The following PALLD variants were observed in gnomAD, a reference collection of about 807,000 sequenced individuals.
PALLD encodes the protein palladin, cytoskeletal associated protein, also known as palladin.
PALLD carries 61 observed loss-of-function variants against 123.5 expected under a neutral mutation model. The observed-to-expected ratio is 0.49, with a 90% CI of 0.40 to 0.61. The LOEUF is 0.61. Among genes scored for constraint, PALLD ranks in the 20% least tolerant of loss-of-function variants. The pLI, the probability that PALLD is intolerant of heterozygous loss-of-function variation, is 0.00. For missense variants in PALLD, 1,273 were observed against 1,377.0 expected, an observed-to-expected ratio of 0.92 and a Z score of 1.20; for synonymous variants, 465 against 496.4, an observed-to-expected ratio of 0.94 and a Z score of 0.84.
chr4:168,879,445 TC>T (rs1752315250), intron 10 of PALLD, among the ~76,000 whole-genome samples: 2 of 152,278 alleles, frequency 1.3e-5, no homozygotes, highest in African/African-American at 4.8e-5. Flanking sequence ...AAATCCTACT[TC>T]AGAGTTTGCC....
Position 168,903,864 on chromosome 4 carries a change from AGAT to A in PALLD, c.2588_2590del (p.Asp863del). The A allele has an allele frequency of 6.2e-7, 1 of 1,613,932 alleles. No homozygotes were observed. The highest frequency in any genetic ancestry group is 1.1e-5 in the South Asian group (1 of 91,078). On this transcript the variant is annotated inframe_deletion, in exon 15 of 22. Coordinates refer to ENST00000505667, the MANE Select transcript of PALLD (RefSeq NM_001166108.2). ...CCCTCCATACCACAGCCTCCACCCT[AGAT>A]GATGATGGGAATTATACAATTATGG...
rs1327824749 is a variant in PALLD at position 168,884,184 on chromosome 4, T to C, written c.1965-6738T>C. On this transcript the variant is annotated intron_variant, in intron 10 of 21. Coordinates refer to ENST00000505667, the MANE Select transcript of PALLD (RefSeq NM_001166108.2). ...CCTCCCCTTTCAAAATACTCCACTT[T>C]TATTTCTAACTCTCACCTTGCATGC... Among the ~76,000 whole-genome samples, 12 of 152,206 alleles carry C rather than the reference T, an allele frequency of 7.9e-5. No homozygotes were observed. The East Asian group carries it at 2.3e-3, about 29-fold the overall frequency.
At chr4:168,788,630 G>A (rs1456182520) in intron 10 of PALLD, among the ~76,000 whole-genome samples, 1 of 152,108 alleles carries the variant, frequency 6.6e-6, no homozygotes, top group Non-Finnish European at 1.5e-5. Flanking sequence ...GACTTTGGGT[G>A]ATAATCATGT....
chr4:168,541,602 C>T (rs562183209), intron 2 of PALLD, among the ~76,000 whole-genome samples: 2 of 152,154 alleles, frequency 1.3e-5, no homozygotes, highest in South Asian at 4.1e-4. Flanking sequence ...AGGCGCTCGC[C>T]ACCACACCTG....
chr4:168,851,461 G>A (rs529998922), intron 10 of PALLD, among the ~76,000 whole-genome samples: 71 of 152,166 alleles, frequency 4.7e-4, no homozygotes, highest in Middle Eastern at 3.4e-3. Context: ...TCTGCCTCCC[G>A]GGTTCAAGCA....
chr4:168,672,750 G>A (rs1230823371), intron 3 of PALLD, among the ~76,000 whole-genome samples: 3 of 152,122 alleles, frequency 2.0e-5, no homozygotes, highest in African/African-American at 7.2e-5. Flanking sequence ...GAGCCACCTC[G>A]CCCGGCCAAG....
intron 3 of PALLD, among the ~76,000 whole-genome samples, chr4:168,671,026 G>GAAA (rs10686554): frequency 8.1e-5 from 12 of 148,624 alleles, no homozygotes; most frequent in South Asian, 2.1e-4. Context: ...TCAAAAAAAA[G>GAAA]AAAAAAAAAA....
intron 10 of PALLD, among the ~76,000 whole-genome samples, chr4:168,801,413 G>T (rs1739303918): frequency 6.6e-6 from 1 of 152,050 alleles, no homozygotes; most frequent in Non-Finnish European, 1.5e-5. Context: ...TGAGTAGCTG[G>T]GATTATAGGC....
chr4:168,572,004 A>T (rs1411334748), intron 2 of PALLD, among the ~76,000 whole-genome samples: 1 of 152,130 alleles, frequency 6.6e-6, no homozygotes, highest in African/African-American at 2.4e-5. Context: ...AGGCGGATGA[A>T]TCTATTGTAG....
chr4:168,916,066 C>G, intron 17 of PALLD, 39 bp downstream of exon 17: 2 of 1,588,968 alleles, frequency 1.3e-6, no homozygotes, highest in Non-Finnish European at 8.6e-7. Context: ...TATTGCCCCA[C>G]TTCTCCCTCA....
rs1422910442 is a variant in PALLD, at chr4:168,898,602, C to G, written c.2360C>G (p.Pro787Arg). Reference sequence around the variant, plus strand: ...GATGAAGTTCAGTATGGAGATGTGCCTGTGGAAAATGGAATGGCACCATTC... The same window carrying G: ...GATGAAGTTCAGTATGGAGATGTGCGTGTGGAAAATGGAATGGCACCATTC... ...SGDEVQYGDV[P>R]VENGMAPFFE... Residue 787 changes from proline to arginine, a missense_variant, in exon 14 of 22, where the codon CCT becomes CGT. Physicochemically the swap from Pro to Arg is moderately radical, Grantham distance 103 (BLOSUM62 -2). Coordinates refer to ENST00000505667, the MANE Select transcript of PALLD (RefSeq NM_001166108.2). 1 of 1,613,584 alleles carries G rather than the reference C, an allele frequency of 6.2e-7. No individual in the cohort carries two copies. The highest frequency in any genetic ancestry group is 1.1e-5 in the South Asian group (1 of 91,076).
At chr4:168,588,411 AT>A (rs56144115) in intron 2 of PALLD, among the ~76,000 whole-genome samples, 11 of 149,416 alleles carry the variant, frequency 7.4e-5, no homozygotes, top group African/African-American at 2.7e-4. Flanking sequence ...GATACTTTTT[AT>A]TTTTTTTTTG....
intron 2 of PALLD, among the ~76,000 whole-genome samples, chr4:168,666,598 C>T (rs561028299): frequency 6.6e-6 from 1 of 152,126 alleles, no homozygotes; most frequent in Non-Finnish European, 1.5e-5. Context: ...TAAGTCCATG[C>T]AAATATTCGA....
chr4:168,729,597 A>G (rs1786950686), intron 10 of PALLD, among the ~76,000 whole-genome samples: 1 of 152,154 alleles, frequency 6.6e-6, no homozygotes, highest in South Asian at 2.1e-4. Context: ...CCCTAGGATC[A>G]ATGCACAGTT....
chr4:168,800,041 A>T (rs956430751), intron 10 of PALLD, among the ~76,000 whole-genome samples: 1 of 152,230 alleles, frequency 6.6e-6, no homozygotes, highest in Non-Finnish European at 1.5e-5. Context: ...GTACATGAAG[A>T]TCTATTTCCC....
At chr4:168,551,251 C>A (rs925930445) in intron 2 of PALLD, among the ~76,000 whole-genome samples, 1 of 152,024 alleles carries the variant, frequency 6.6e-6, no homozygotes, top group Non-Finnish European at 1.5e-5. Context: ...TTTTCTCTTT[C>A]GTGAATTGTT....
At chr4:168,544,969 G>A (rs547448230) in intron 2 of PALLD, among the ~76,000 whole-genome samples, 20 of 152,236 alleles carry the variant, frequency 1.3e-4, no homozygotes, top group Middle Eastern at 3.4e-3. Flanking sequence ...CTTGGGTAGA[G>A]GCTAGCATTG....
At chr4:168,905,422 ACAGGTGTGAGGCACTGCACC>A (rs1426184799) in intron 15 of PALLD, among the ~76,000 whole-genome samples, 2 of 151,920 alleles carry the variant, frequency 1.3e-5, no homozygotes, top group Non-Finnish European at 2.9e-5. Context: ...TGTTAGCATT[ACAGGTGTGAGGCACTGCACC>A]CGGCCTGAGA....
At chr4:168,710,104 TA>T in intron 9 of PALLD, among the ~76,000 whole-genome samples, 1 of 152,268 alleles carries the variant, frequency 6.6e-6, no homozygotes, top group South Asian at 2.1e-4. Flanking sequence ...AGAGAAGCTG[TA>T]AAGGCCTTCA....
Sources: allele counts gnomAD v4.1 joint callset (sites outside exome capture counted in the v4.1 genomes callset), GRCh38; gene constraint gnomAD v4.1.1; transcripts MANE v1.5; gene names NCBI Gene and HGNC (gene_info 2026-07-23, HGNC 2026-07-21).